Variants in DIS3L observed in about 807,000 individuals in gnomAD.
DIS3L encodes DIS3 like exosome 3'-5' exoribonuclease.
In DIS3L, 100 loss-of-function variants were observed where a neutral mutation model predicts 120.3. That is an observed-to-expected ratio of 0.83 (90% CI 0.71 to 0.98). The LOEUF is 0.98. DIS3L is among the 50% of genes least tolerant of loss of function. The pLI is 0.00. For synonymous variants in DIS3L, 426 were observed against 470.6 expected, an observed-to-expected ratio of 0.91 and a Z score of 1.23; for missense variants, 1,196 against 1,314.2, an observed-to-expected ratio of 0.91 and a Z score of 1.39.
At chr15:66,321,766 A>ATT in intron 9 of DIS3L, among the ~76,000 whole-genome samples, 1 of 151,004 alleles carries the variant, frequency 6.6e-6, no homozygotes, top group Non-Finnish European at 1.5e-5. Flanking sequence ...ACTGTCTCAA[A>ATT]AAAAAAAAAA....
At chr15:66,317,873 A>T (rs561088105) in intron 7 of DIS3L, among the ~76,000 whole-genome samples, 1 of 152,152 alleles carries the variant, frequency 6.6e-6, no homozygotes, top group Admixed American at 6.5e-5. Context: ...GAACAAAAAC[A>T]AAAAGTGTTT....
At position 66,323,545 on chromosome 15, in the gene DIS3L, C is replaced by T. The variant is rs765745005; in HGVS notation, c.1627C>T (p.Leu543Phe). Residue 543 changes from leucine (L) to phenylalanine (F), a missense_variant, in exon 11 of 17, where the codon CTC becomes TTC. Leu to Phe is a conservative substitution (Grantham distance 22). Transcript: ENST00000319212. ...TCGCTATGACATGCTGCCTTCCGTC[C>T]TCAGTGCAGATTTGTGTTCCCTTCT... is the stretch of plus-strand genomic sequence containing the variant. The part of the protein sequence containing the change: ...DRRYDMLPSV[L>F]SADLCSLLGG... The T allele has an allele frequency of 1.9e-6, 3 of 1,614,260 alleles. No individual in the cohort carries two copies. The highest frequency in any genetic ancestry group is 8.5e-7 in the Non-Finnish European group (1 of 1,180,042).
chr15:66,323,798 T>C (rs984946637), intron 11 of DIS3L, among the ~76,000 whole-genome samples: 9 of 152,036 alleles, frequency 5.9e-5, no homozygotes, highest in African/African-American at 1.4e-4. Context: ...TTCCCTCCTC[T>C]CTTCTGTCTG....
chr15:66,324,813 C>G (rs2092919559), intron 11 of DIS3L, among the ~76,000 whole-genome samples: 2 of 152,136 alleles, frequency 1.3e-5, no homozygotes. Context: ...ATTCTTCGCC[C>G]ATTTTTCTTT....
rs763803310 is a variant in DIS3L at position 66,329,018 on chromosome 15, C to T, written c.2250C>T (p.His750=). ...CTCTGGATAATGCGAACGACCCCCA[C>T]GATCCCATTGTGAACAGGCTACTGC... The part of the protein sequence containing the change: ...ADSLDNANDP[H]DPIVNRLLRS... The change falls in exon 13 of 17, where the codon CAC becomes CAT. Residue 750 remains histidine, a synonymous_variant. Transcript: ENST00000319212. 6.8e-6 allele frequency: 11 copies of T among 1,613,970 alleles called. No homozygotes were observed. Among genetic ancestry groups the T allele is most frequent in the African/African-American group, 1.3e-5 (1 of 74,922 alleles).
chr15:66,297,862 G>A (rs2092605035), intron 2 of DIS3L, among the ~76,000 whole-genome samples: 1 of 151,972 alleles, frequency 6.6e-6, no homozygotes, highest in Admixed American at 6.6e-5. Context: ...CATATTTCAT[G>A]CCTCAGTTTC....
chr15:66,310,116 T>A (rs2092745725), intron 4 of DIS3L, among the ~76,000 whole-genome samples: 1 of 152,208 alleles, frequency 6.6e-6, no homozygotes, highest in Non-Finnish European at 1.5e-5. Context: ...TAAGGCCCTG[T>A]ATTACCCCTG....
intron 3 of DIS3L, among the ~76,000 whole-genome samples, chr15:66,308,463 G>A (rs1051089984): frequency 6.6e-6 from 1 of 152,204 alleles, no homozygotes; most frequent in African/African-American, 2.4e-5. Context: ...ATCAAGAAAT[G>A]AAAGTGGTTG....
At chr15:66,330,415 T>C (rs2092988164) in intron 14 of DIS3L, 7 of 985,348 alleles carry the variant, frequency 7.1e-6, no homozygotes, top group Non-Finnish European at 8.4e-6. Context: ...TTCTATTTCA[T>C]ATTACTAGTT....
At chr15:66,314,930 C>A in intron 6 of DIS3L, 106 bp from the exon 7 acceptor site, 1 of 1,186,136 alleles carries the variant, frequency 8.4e-7, no homozygotes, top group Non-Finnish European at 1.2e-6. Context: ...AAAAGCTTTA[C>A]TTGCAGGAGT....
chr15:66,303,407 G>A (rs2092668176), intron 2 of DIS3L, among the ~76,000 whole-genome samples: 1 of 152,148 alleles, frequency 6.6e-6, no homozygotes, highest in Non-Finnish European at 1.5e-5. Flanking sequence ...ACACTATTCA[G>A]ATGCAGTGGG....
At chr15:66,309,469 A>G (rs1431754175) in intron 4 of DIS3L, among the ~76,000 whole-genome samples, 5 of 152,130 alleles carry the variant, frequency 3.3e-5, no homozygotes, top group Non-Finnish European at 7.3e-5. Flanking sequence ...TTGTTGACCT[A>G]TAAAATGGCA....
intron 12 of DIS3L, 42 bp from the exon 13 acceptor site, chr15:66,328,928 T>G (rs2092966677): frequency 2.5e-6 from 4 of 1,583,834 alleles, no homozygotes; most frequent in Non-Finnish European, 3.4e-6. Flanking sequence ...TCTTGTAAAT[T>G]ACTGTCTGGG....
At chr15:66,311,686 C>A in intron 4 of DIS3L, 38 bp from the exon 5 acceptor site, 1 of 1,610,256 alleles carries the variant, frequency 6.2e-7, no homozygotes, top group East Asian at 2.2e-5. Flanking sequence ...GAATCAGTAC[C>A]TTCTGACCGT....
At chr15:66,301,260 G>A (rs1043525884) in intron 2 of DIS3L, among the ~76,000 whole-genome samples, 9 of 150,658 alleles carry the variant, frequency 6.0e-5, no homozygotes, top group Non-Finnish European at 1.0e-4. Flanking sequence ...TTTTCTGCAA[G>A]AGTTGAATTT....
intron 12 of DIS3L, among the ~76,000 whole-genome samples, chr15:66,328,564 A>G (rs138259048): frequency 5.7e-4 from 87 of 152,292 alleles, no homozygotes; most frequent in African/African-American, 1.9e-3. Flanking sequence ...TAGAATGCTT[A>G]CTACCTCTTT....
chr15:66,332,620 A>G, intron 15 of DIS3L, 116 bp from the exon 16 acceptor site: 1 of 1,068,180 alleles, frequency 9.4e-7, no homozygotes, highest in Non-Finnish European at 1.3e-6. Context: ...GAGGTAAACC[A>G]CAGGAAAAGT....
rs1283174052 is a variant in DIS3L, at chr15:66,321,588, C to T, written c.1326+856C>T. On this transcript the variant is annotated intron_variant, in intron 9 of 16. Coordinates refer to ENST00000319212, the MANE Select transcript of DIS3L (RefSeq NM_001143688.3). Reference sequence around the variant, plus strand: ...ACCAGCCTGGCCAACATGATGAAACCCCGTCTCTACTAAAAACACACAAAA... The same window carrying T: ...ACCAGCCTGGCCAACATGATGAAACTCCGTCTCTACTAAAAACACACAAAA... 1.2e-4 allele frequency among the ~76,000 whole-genome samples: 18 copies of T among 151,856 alleles called. 1 individual carries two copies. The highest frequency in any genetic ancestry group is 1.1e-3 in the Admixed American group (17 of 15,228).
chr15:66,314,645 G>A (rs2092799135), intron 6 of DIS3L, among the ~76,000 whole-genome samples: 1 of 152,126 alleles, frequency 6.6e-6, no homozygotes, highest in South Asian at 2.1e-4. Flanking sequence ...CATTCCCCCT[G>A]TCGGTTCTGC....
Sources: allele counts gnomAD v4.1 joint callset (sites outside exome capture counted in the v4.1 genomes callset), GRCh38; gene constraint gnomAD v4.1.1; transcripts MANE v1.5; gene names NCBI Gene and HGNC (gene_info 2026-07-23, HGNC 2026-07-21).